FBXL20: variants seen among roughly 807,000 people sequenced by gnomAD.
FBXL20 encodes F-box and leucine rich repeat protein 20.
In FBXL20, 11 loss-of-function variants were observed where a neutral mutation model predicts 64.0. The observed-to-expected ratio is 0.17, with a 90% CI of 0.11 to 0.28. The LOEUF (loss-of-function observed/expected upper bound fraction) is 0.28. Ranked by LOEUF, FBXL20 falls within the 10% of genes least tolerant of loss-of-function variation. The pLI, the probability that FBXL20 is intolerant of heterozygous loss-of-function variation, is 1.00. For missense variants in FBXL20, 303 were observed against 526.2 expected, an observed-to-expected ratio of 0.58 and a Z score of 4.15; for synonymous variants, 184 against 189.0, an observed-to-expected ratio of 0.97 and a Z score of 0.22.
intron 2 of FBXL20, among the ~76,000 whole-genome samples, chr17:39,310,239 G>C (rs951890240): frequency 6.6e-6 from 1 of 151,774 alleles, no homozygotes; most frequent in African/African-American, 2.4e-5. Context: ...ACATCAGCTG[G>C]AACCAATGTG....
intron 2 of FBXL20, among the ~76,000 whole-genome samples, chr17:39,342,723 A>T (rs2047594858): frequency 6.6e-6 from 1 of 151,804 alleles, no homozygotes; most frequent in African/African-American, 2.4e-5. Flanking sequence ...TCTCAAAAAA[A>T]CAAAAAAAAT....
rs79592628 is a variant in FBXL20 at position 39,269,826 on chromosome 17, C to T, written c.889-955G>A. ...TGTATTTCTTACAGAGATGAAATTT[C>T]GCCATGTTGCCCGGGCTGGGCTCAA... On this transcript the variant is annotated intron_variant, in intron 11 of 14. Coordinates refer to ENST00000264658, the MANE Select transcript of FBXL20 (RefSeq NM_032875.3). Among the ~76,000 whole-genome samples the T allele has an allele frequency of 4.2e-3, 634 of 151,874 alleles. 6 individuals carry two copies. The highest frequency in any genetic ancestry group is 0.015 in the African/African-American group (600 of 41,292).
chr17:39,297,108 A>G lies in FBXL20; in HGVS notation c.398+19T>C, dbSNP rs919140606. 2 of 1,586,510 alleles carry G rather than the reference A, an allele frequency of 1.3e-6. No homozygotes were observed. Among genetic ancestry groups the G allele is most frequent in the Non-Finnish European group, 1.7e-6 (2 of 1,159,228 alleles). On this transcript the variant is annotated intron_variant, in intron 6 of 14. Transcript: ENST00000264658. ...CATAAGGGGTTATGACTTATCCTCC[A>G]AAAACATAAAATACTTACGCGTCTG...
chr17:39,402,114 G>C (rs543773468), upstream of FBXL20: 25 of 1,222,924 alleles, frequency 2.0e-5, no homozygotes, highest in Middle Eastern at 3.1e-4. Flanking sequence ...TGTTCCCCAG[G>C]ATCCTGTAAG....
At chr17:39,301,707 G>A (rs1597785065) in intron 3 of FBXL20, among the ~76,000 whole-genome samples, 2 of 150,868 alleles carry the variant, frequency 1.3e-5, no homozygotes, top group Admixed American at 6.6e-5. Flanking sequence ...CAGCCTGGGC[G>A]ACAGAGCGAA....
chr17:39,357,469 C>T (rs576126159), intron 1 of FBXL20, among the ~76,000 whole-genome samples: 2 of 152,202 alleles, frequency 1.3e-5, no homozygotes, highest in South Asian at 4.1e-4. Flanking sequence ...TTTTCTCTGT[C>T]TCATATCTTT....
chr17:39,304,539 C>T (rs2047164629), intron 2 of FBXL20, among the ~76,000 whole-genome samples: 1 of 152,156 alleles, frequency 6.6e-6, no homozygotes, highest in Non-Finnish European at 1.5e-5. Flanking sequence ...ATCCTCCTGC[C>T]TCAGACTACC....
At chr17:39,323,111 A>G (rs1280612399) in intron 2 of FBXL20, among the ~76,000 whole-genome samples, 2 of 151,988 alleles carry the variant, frequency 1.3e-5, no homozygotes, top group Non-Finnish European at 2.9e-5. Context: ...CTGAGACTAC[A>G]TGCGCCTGCC....
At chr17:39,286,433 TCCAACTC>T (rs1187123505) in intron 6 of FBXL20, among the ~76,000 whole-genome samples, 1 of 152,102 alleles carries the variant, frequency 6.6e-6, no homozygotes, top group Non-Finnish European at 1.5e-5. Context: ...CAGGCTGGTC[TCCAACTC>T]CGGGCCTCAA....
chr17:39,378,908 G>C (rs186215730), intron 1 of FBXL20, among the ~76,000 whole-genome samples: 392 of 150,248 alleles, frequency 2.6e-3, no homozygotes, highest in Admixed American at 6.0e-3. Context: ...ACCGCGCCCG[G>C]CCATAGGATG....
At chr17:39,281,119 GTTTT>G (rs903909977) in intron 9 of FBXL20, among the ~76,000 whole-genome samples, 1 of 152,132 alleles carries the variant, frequency 6.6e-6, no homozygotes, top group Non-Finnish European at 1.5e-5. Context: ...AAAGTAGACA[GTTTT>G]TTTAAGTATG....
chr17:39,401,745 G>A (rs558244782), upstream of FBXL20: 1,267 of 1,080,908 alleles, frequency 1.2e-3, 2 homozygotes, highest in South Asian at 2.4e-3. Flanking sequence ...GGGAGGGGAG[G>A]AGCGCGGCGG....
At chr17:39,400,643 C>G (rs187358489) in intron 1 of FBXL20, among the ~76,000 whole-genome samples, 3 of 152,162 alleles carry the variant, frequency 2.0e-5, no homozygotes, top group Non-Finnish European at 1.5e-5. Context: ...CTTTCAAGAC[C>G]GTCCACTCCT....
intron 2 of FBXL20, among the ~76,000 whole-genome samples, chr17:39,330,930 A>G (rs1363570565): frequency 6.6e-6 from 1 of 152,240 alleles, no homozygotes; most frequent in Non-Finnish European, 1.5e-5. Context: ...TTGCCAGGCA[A>G]GCCTTTAAAA....
rs1219231253 is a variant in FBXL20 at position 39,252,954 on chromosome 17, GGC to G, written c.*8504_*8505del. The G allele has an allele frequency of 6.6e-6, 1 of 151,992 alleles. No homozygotes were observed. Among genetic ancestry groups the G allele is most frequent in the Non-Finnish European group, 1.5e-5 (1 of 68,006 alleles). The allele number at this position is 151,992 out of a possible 1,614,324, so 9.4% of individuals were successfully genotyped here. A position where few individuals can be genotyped will look rare whatever the true frequency, so the allele number is the denominator to read the frequency against. ...AAGTCACCCCGTAGGCAACTGTGTC[GGC>G]TCCAGAGATTGGCTAAGCATTTGGA... On this transcript the variant is annotated 3_prime_UTR_variant, in exon 15 of 15. Coordinates refer to ENST00000264658, the MANE Select transcript of FBXL20 (RefSeq NM_032875.3).
intron 1 of FBXL20, among the ~76,000 whole-genome samples, chr17:39,343,753 T>C (rs914371079): frequency 1.3e-5 from 2 of 151,186 alleles, no homozygotes; most frequent in African/African-American, 4.9e-5. Context: ...TGGAGTACAG[T>C]GGCATGATCT....
intron 12 of FBXL20, among the ~76,000 whole-genome samples, chr17:39,267,497 T>C (rs2046802631): frequency 6.6e-6 from 1 of 152,154 alleles, no homozygotes; most frequent in South Asian, 2.1e-4. Flanking sequence ...GATAGTGCAG[T>C]GCTCTATGAA....
At chr17:39,353,570 T>C (rs890261442) in intron 1 of FBXL20, among the ~76,000 whole-genome samples, 15 of 152,006 alleles carry the variant, frequency 9.9e-5, no homozygotes, top group African/African-American at 2.9e-4. Context: ...TTGGAACATA[T>C]TCCCCATGGA....
At chr17:39,320,600 T>TA (rs1169638603) in intron 2 of FBXL20, among the ~76,000 whole-genome samples, 1 of 151,698 alleles carries the variant, frequency 6.6e-6, no homozygotes, top group African/African-American at 2.4e-5. Flanking sequence ...GAATTTTTTT[T>TA]TTTTTTTTTT....
Sources: gnomAD v4.1 joint callset for allele counts (sites outside exome capture counted in the v4.1 genomes callset) on GRCh38, gnomAD v4.1.1 for gene constraint, MANE v1.5 for transcripts, NCBI Gene and HGNC (gene_info 2026-07-23, HGNC 2026-07-21) for gene names.